The following ERBB4 variants were observed in gnomAD, a reference collection of about 807,000 sequenced individuals.
The protein encoded by ERBB4 is erb-b2 receptor tyrosine kinase 4.
ERBB4 carries 42 observed loss-of-function variants against 158.0 expected under a neutral mutation model. The observed-to-expected ratio is 0.27, with a 90% CI of 0.21 to 0.34. ERBB4 has a LOEUF of 0.34. ERBB4 is among the 10% of genes least tolerant of loss of function. The pLI is 1.00. For synonymous variants in ERBB4, 583 were observed against 558.7 expected (o/e 1.04, Z -0.61); for missense variants, 1,333 against 1,624.1 (o/e 0.82, Z 3.08).
chr2:211,553,639 C>A (rs1038540400), intron 20 of ERBB4, among the ~76,000 whole-genome samples: 1 of 152,120 alleles, frequency 6.6e-6, no homozygotes, highest in African/African-American at 2.4e-5. Flanking sequence ...TAGCACATTA[C>A]AAATATCATC....
chr2:211,842,840 G>T (rs1056170030), intron 3 of ERBB4, among the ~76,000 whole-genome samples: 2 of 152,048 alleles, frequency 1.3e-5, no homozygotes, highest in Admixed American at 6.6e-5. Context: ...CATTCCAAAT[G>T]ACTATAACAG....
At chr2:211,804,285 A>C (rs971373291) in intron 3 of ERBB4, among the ~76,000 whole-genome samples, 1 of 152,224 alleles carries the variant, frequency 6.6e-6, no homozygotes. Context: ...ATGTACAAAA[A>C]GGTTGCAGTC....
At chr2:211,841,506 T>C (rs185680706) in intron 3 of ERBB4, among the ~76,000 whole-genome samples, 1 of 151,980 alleles carries the variant, frequency 6.6e-6, no homozygotes, top group Non-Finnish European at 1.5e-5. Context: ...TTAAAGTTAG[T>C]GTGGAGAAAA....
At chr2:212,396,102 G>T (rs965410181) in intron 1 of ERBB4, among the ~76,000 whole-genome samples, 4 of 152,112 alleles carry the variant, frequency 2.6e-5, no homozygotes, top group Admixed American at 6.6e-5. Context: ...TTTTAAGCGT[G>T]TGCTCAAATA....
At chr2:212,110,149 T>C (rs568711829) in intron 2 of ERBB4, among the ~76,000 whole-genome samples, 1 of 152,248 alleles carries the variant, frequency 6.6e-6, no homozygotes, top group East Asian at 1.9e-4. Context: ...GCCTTATAAA[T>C]CTTGACTAGA....
At chr2:211,434,130 C>G (rs2063801151) in intron 20 of ERBB4, among the ~76,000 whole-genome samples, 1 of 152,100 alleles carries the variant, frequency 6.6e-6, no homozygotes, top group Admixed American at 6.6e-5. Flanking sequence ...ATCCCTTGAA[C>G]CAAATATCAT....
chr2:212,260,554 T>C (rs1387181063), intron 1 of ERBB4, among the ~76,000 whole-genome samples: 1 of 152,224 alleles, frequency 6.6e-6, no homozygotes, highest in East Asian at 1.9e-4. Context: ...GGCTCACGCC[T>C]GTAATCCCAG....
intron 2 of ERBB4, among the ~76,000 whole-genome samples, chr2:212,123,760 CT>C (rs1308491292): frequency 6.6e-6 from 1 of 152,096 alleles, no homozygotes; most frequent in Non-Finnish European, 1.5e-5. Flanking sequence ...AATATCACTC[CT>C]TTTCACGACT....
At chr2:211,994,925 G>A (rs557117738) in intron 2 of ERBB4, among the ~76,000 whole-genome samples, 4 of 152,308 alleles carry the variant, frequency 2.6e-5, no homozygotes, top group African/African-American at 9.6e-5. Flanking sequence ...AAATTATAGA[G>A]CCTAGGATCA....
At chr2:211,721,533 C>T (rs759086281) in intron 7 of ERBB4, among the ~76,000 whole-genome samples, 24 of 144,398 alleles carry the variant, frequency 1.7e-4, no homozygotes, top group Admixed American at 1.2e-3. Context: ...CCTTTTGAAT[C>T]CTCAGGATGT....
chr2:212,238,310 T>C (rs929340572), intron 1 of ERBB4, among the ~76,000 whole-genome samples: 1 of 152,132 alleles, frequency 6.6e-6, no homozygotes, highest in Non-Finnish European at 1.5e-5. Flanking sequence ...TCCCTCATGA[T>C]TTTCCTTGGC....
chr2:211,937,794 T>A (rs1037331693), intron 3 of ERBB4, among the ~76,000 whole-genome samples: 1 of 152,034 alleles, frequency 6.6e-6, no homozygotes, highest in Non-Finnish European at 1.5e-5. Context: ...CTATAACACA[T>A]GGGGATTACG....
At chr2:212,076,950 G>GA (rs1306481010) in intron 2 of ERBB4, among the ~76,000 whole-genome samples, 13 of 151,712 alleles carry the variant, frequency 8.6e-5, no homozygotes, top group East Asian at 3.9e-4. Flanking sequence ...TTTAATAAGG[G>GA]AAGAAAAGAC....
chr2:211,499,747 C>T (rs879201566), intron 20 of ERBB4, among the ~76,000 whole-genome samples: 3 of 152,174 alleles, frequency 2.0e-5, no homozygotes, highest in Admixed American at 1.3e-4. Flanking sequence ...TTTTGCTTTG[C>T]TCTTTCTAGG....
intron 24 of ERBB4, 46 bp downstream of exon 24, chr2:211,421,961 G>T: frequency 8.5e-7 from 1 of 1,173,578 alleles, no homozygotes; most frequent in Non-Finnish European, 1.3e-6. Flanking sequence ...TTTGCAGTGA[G>T]TTTGCCATTG....
At chr2:212,185,387 A>C (rs1327475049) in intron 1 of ERBB4, among the ~76,000 whole-genome samples, 2 of 151,958 alleles carry the variant, frequency 1.3e-5, no homozygotes, top group African/African-American at 4.8e-5. Flanking sequence ...AAAAAGGCTC[A>C]TCTGCTTGGA....
At chr2:211,961,088 C>T (rs1459456371) in intron 2 of ERBB4, among the ~76,000 whole-genome samples, 1 of 151,980 alleles carries the variant, frequency 6.6e-6, no homozygotes, top group Non-Finnish European at 1.5e-5. Context: ...AAAATTGGAG[C>T]ATTGCCACTC....
intron 3 of ERBB4, among the ~76,000 whole-genome samples, chr2:211,921,328 G>A (rs978098485): frequency 1.3e-5 from 2 of 151,954 alleles, no homozygotes; most frequent in Non-Finnish European, 2.9e-5. Context: ...ACAGCTTGGA[G>A]TGTTGGATCT....
chr2:211,423,498 T>C (rs2063554912), intron 23 of ERBB4, among the ~76,000 whole-genome samples: 2 of 152,114 alleles, frequency 1.3e-5, no homozygotes, highest in South Asian at 4.1e-4. Flanking sequence ...TCCTCAATTC[T>C]ATTTAAATTA....
Sources: gnomAD v4.1 joint callset for allele counts (sites outside exome capture counted in the v4.1 genomes callset) on GRCh38, gnomAD v4.1.1 for gene constraint, MANE v1.5 for transcripts, NCBI Gene and HGNC (gene_info 2026-07-23, HGNC 2026-07-21) for gene names.